MYBPC1: variants seen among roughly 807,000 people sequenced by gnomAD.
MYBPC1 encodes the protein myosin binding protein C1.
A neutral mutation model predicts 147.1 loss-of-function variants in MYBPC1; 52 were observed. That is an observed-to-expected ratio of 0.35 (90% CI 0.28 to 0.45). MYBPC1 has a LOEUF of 0.45. Among genes scored for constraint, MYBPC1 ranks in the 20% least tolerant of loss-of-function variants. The pLI is 1.00. For synonymous variants in MYBPC1, 477 were observed against 475.9 expected, an observed-to-expected ratio of 1.00 and a Z score of -0.03; for missense variants, 1,228 against 1,440.3, an observed-to-expected ratio of 0.85 and a Z score of 2.39.
chr12:101,646,295 T>G (rs1029377780), intron 12 of MYBPC1, among the ~76,000 whole-genome samples: 3 of 144,618 alleles, frequency 2.1e-5, no homozygotes, highest in African/African-American at 2.6e-5. Context: ...TAAAAATTGG[T>G]TTTTTTTTTT....
At chr12:101,643,820 T>G (rs1892554654) in intron 11 of MYBPC1, among the ~76,000 whole-genome samples, 1 of 152,124 alleles carries the variant, frequency 6.6e-6, no homozygotes, top group Non-Finnish European at 1.5e-5. Flanking sequence ...CAAGGGGTGT[T>G]TTTAAAATGC....
At chr12:101,603,064 G>T (rs1166549614) in intron 1 of MYBPC1, among the ~76,000 whole-genome samples, 6 of 152,050 alleles carry the variant, frequency 3.9e-5, no homozygotes, top group African/African-American at 1.4e-4. Context: ...TCTCTCCCTG[G>T]CCAGGCGTGG....
At chr12:101,687,688 C>A (rs868809854), downstream of MYBPC1, among the ~76,000 whole-genome samples, 2 of 152,218 alleles carry the variant, frequency 1.3e-5, no homozygotes, top group African/African-American at 4.8e-5. Flanking sequence ...GTGGTCCCTG[C>A]AGCCCAGCTG....
At chr12:101,650,862 G>T in intron 15 of MYBPC1, 2 of 332,372 alleles carry the variant, frequency 6.0e-6, no homozygotes, top group Admixed American at 4.2e-5. Context: ...TTGTGAAGCA[G>T]TAGAAAGAGG....
intron 1 of MYBPC1, among the ~76,000 whole-genome samples, chr12:101,612,117 G>A (rs1445997212): frequency 1.3e-5 from 2 of 151,422 alleles, no homozygotes; most frequent in African/African-American, 2.4e-5. Context: ...AGCTCTGAGA[G>A]CCTTGAGAAA....
chr12:101,667,310 C>T (rs1481959326), intron 22 of MYBPC1, among the ~76,000 whole-genome samples: 1 of 152,066 alleles, frequency 6.6e-6, no homozygotes, highest in Non-Finnish European at 1.5e-5. Context: ...CTATAAAGGT[C>T]AATGTCTCAT....
intron 10 of MYBPC1, among the ~76,000 whole-genome samples, chr12:101,639,827 C>T (rs1163631236): frequency 6.6e-6 from 1 of 151,784 alleles, no homozygotes; most frequent in Non-Finnish European, 1.5e-5. Flanking sequence ...AGGAGGATAG[C>T]TGAAATATGT....
chr12:101,670,457 T>C, intron 24 of MYBPC1, 48 bp downstream of exon 24: 1 of 1,495,410 alleles, frequency 6.7e-7, no homozygotes, highest in Non-Finnish European at 9.3e-7. Context: ...GCTGGATTAG[T>C]TTAGGAAGTG....
In MYBPC1 at chr12:101,677,410, A is replaced by G. The variant is rs756274784; in HGVS notation, c.3109+16A>G. Reference sequence around the variant, plus strand: ...GCCAGGGATGGTGAGTTGGGAATGGACTGACATTTGAAAACCTTGGTTGAC... The same window carrying G: ...GCCAGGGATGGTGAGTTGGGAATGGGCTGACATTTGAAAACCTTGGTTGAC... On this transcript the variant is annotated intron_variant, in intron 27 of 31. Transcript: ENST00000361466. 5 of 1,613,740 alleles carry G rather than the reference A, an allele frequency of 3.1e-6. No individual in the cohort carries two copies. Among genetic ancestry groups the G allele is most frequent in the Middle Eastern group, 1.7e-4 (1 of 6,058 alleles).
At chr12:101,649,618 A>G (rs924539326) in intron 15 of MYBPC1, among the ~76,000 whole-genome samples, 192 bp downstream of exon 15, 5 of 152,226 alleles carry the variant, frequency 3.3e-5, no homozygotes, top group African/African-American at 1.2e-4. Context: ...ACTCAATTTA[A>G]TAGTAGAGCG....
chr12:101,672,669 G>A (rs1256132494), intron 24 of MYBPC1, among the ~76,000 whole-genome samples: 1 of 152,102 alleles, frequency 6.6e-6, no homozygotes, highest in Non-Finnish European at 1.5e-5. Flanking sequence ...CCAACTTGGT[G>A]AAACCCTGTT....
chr12:101,661,158 A>T lies in MYBPC1; in HGVS notation c.1928A>T (p.Asp643Val). The change falls in exon 20 of 32, where the codon GAC (aspartate) becomes GTC (valine). Residue 643 changes from aspartate to valine, a missense_variant and splice_region_variant. Physicochemically the swap from Asp to Val is radical, Grantham distance 152. Transcript: ENST00000361466. ...AHASIKVKVV[D>V]FPDPPVAPTV... ...TTATCCTATTTTTTGTCTGCCACAG[A>T]CTTCCCTGATCCTCCAGTGGCACCG... is the stretch of plus-strand genomic sequence containing the variant. 1.2e-6 allele frequency: 2 copies of T among 1,611,810 alleles called. No individual in the cohort carries two copies. Among genetic ancestry groups the T allele is most frequent in the Non-Finnish European group, 1.7e-6 (2 of 1,178,642 alleles).
chr12:101,684,592 C>T (rs536593460), intron 31 of MYBPC1, among the ~76,000 whole-genome samples, 168 bp downstream of exon 31: 1 of 152,258 alleles, frequency 6.6e-6, no homozygotes, highest in South Asian at 2.1e-4. Context: ...AAATTAACAG[C>T]TAGTACTTAT....
chr12:101,648,228 A>G, intron 14 of MYBPC1, 78 bp downstream of exon 14: 1 of 1,012,242 alleles, frequency 9.9e-7, no homozygotes, highest in Non-Finnish European at 1.5e-6. Flanking sequence ...AACAGGAAGT[A>G]CAAATAGCTT....
chr12:101,670,701 C>A (rs1352547953), intron 24 of MYBPC1, among the ~76,000 whole-genome samples: 4 of 152,084 alleles, frequency 2.6e-5, no homozygotes, highest in Non-Finnish European at 5.9e-5. Context: ...AAGGAGATAC[C>A]AAATGAAGAA....
chr12:101,664,958 A>G (rs1483928756), intron 22 of MYBPC1, among the ~76,000 whole-genome samples: 1 of 152,336 alleles, frequency 6.6e-6, no homozygotes, highest in East Asian at 1.9e-4. Flanking sequence ...TTGTCCAGCC[A>G]GCAGAATATC....
At chr12:101,637,819 T>C (rs1013012636) in intron 10 of MYBPC1, among the ~76,000 whole-genome samples, 1 of 152,166 alleles carries the variant, frequency 6.6e-6, no homozygotes, top group Non-Finnish European at 1.5e-5. Context: ...AACATGTAGG[T>C]TGAGAACAGA....
At chr12:101,691,799 T>C in the MYBPC1 span, among the ~76,000 whole-genome samples, 1 of 152,224 alleles carries the variant, frequency 6.6e-6, no homozygotes, top group Non-Finnish European at 1.5e-5. Flanking sequence ...TTTTAAATGA[T>C]GGATGTCTAC....
At chr12:101,611,974 G>A (rs569247272) in intron 1 of MYBPC1, among the ~76,000 whole-genome samples, 2 of 152,104 alleles carry the variant, frequency 1.3e-5, no homozygotes, top group South Asian at 4.2e-4. Context: ...CTACTCGGGA[G>A]GCTGAGGCAG....
Sources: allele counts gnomAD v4.1 joint callset (sites outside exome capture counted in the v4.1 genomes callset), GRCh38; gene constraint gnomAD v4.1.1; transcripts MANE v1.5; gene names NCBI Gene and HGNC (gene_info 2026-07-23, HGNC 2026-07-21).